Variants in ZFPM2 observed in about 807,000 individuals in gnomAD.
The protein encoded by ZFPM2 is zinc finger protein ZFPM2.
ZFPM2 carries 20 observed loss-of-function variants against 98.6 expected under a neutral mutation model. The ratio of observed to expected loss-of-function variants is 0.20; its 90% CI spans 0.14 to 0.29. The LOEUF is 0.29. Among genes scored for constraint, ZFPM2 ranks in the 10% least tolerant of loss-of-function variants. The probability of loss-of-function intolerance (pLI) is 1.00; values close to 1 mark genes in which losing one functional copy is unlikely to be tolerated. For synonymous variants in ZFPM2, 518 were observed against 502.7 expected (o/e 1.03, Z -0.41); for missense variants, 1,310 against 1,388.6 (o/e 0.94, Z 0.90).
chr8:105,591,890 A>G (rs539313835), intron 4 of ZFPM2, among the ~76,000 whole-genome samples: 2 of 152,294 alleles, frequency 1.3e-5, no homozygotes, highest in African/African-American at 4.8e-5. Flanking sequence ...CAGTGAGGAA[A>G]AGGTGAAAAT....
chr8:105,525,149 G>A (rs1041154394), intron 3 of ZFPM2, among the ~76,000 whole-genome samples: 3 of 152,072 alleles, frequency 2.0e-5, no homozygotes, highest in Admixed American at 6.6e-5. Context: ...AAACTGAAAC[G>A]TACACACAGA....
At chr8:105,710,978 C>G (rs1194508742) in intron 5 of ZFPM2, among the ~76,000 whole-genome samples, 33 of 151,936 alleles carry the variant, frequency 2.2e-4, no homozygotes, top group Admixed American at 2.0e-3. Flanking sequence ...TTTTGTTCAT[C>G]CTCTCAACCA....
At chr8:105,445,906 A>C (rs531454709) in intron 3 of ZFPM2, among the ~76,000 whole-genome samples, 1 of 150,740 alleles carries the variant, frequency 6.6e-6, no homozygotes, top group South Asian at 2.1e-4. Context: ...AGCCTCTTAC[A>C]GTTCTTTTCT....
intron 3 of ZFPM2, among the ~76,000 whole-genome samples, chr8:105,485,212 G>C (rs751316768): frequency 1.3e-5 from 2 of 152,118 alleles, no homozygotes; most frequent in Admixed American, 6.5e-5. Flanking sequence ...GGTAACCAAC[G>C]ACAGAGTCCA....
chr8:105,695,017 C>G (rs1392537921), intron 5 of ZFPM2, among the ~76,000 whole-genome samples: 2 of 151,940 alleles, frequency 1.3e-5, no homozygotes, highest in East Asian at 3.9e-4. Context: ...GTTTTTATCC[C>G]CACTTAACTA....
At chr8:105,393,423 A>G (rs556300210) in intron 1 of ZFPM2, among the ~76,000 whole-genome samples, 7 of 139,312 alleles carry the variant, frequency 5.0e-5, no homozygotes, top group Non-Finnish European at 9.1e-5. Flanking sequence ...ATGTATCACT[A>G]AAATGATTAT....
chr8:105,576,093 T>G (rs1175081692), intron 4 of ZFPM2, among the ~76,000 whole-genome samples: 1 of 152,112 alleles, frequency 6.6e-6, no homozygotes, highest in Non-Finnish European at 1.5e-5. Flanking sequence ...ATAAAATCAT[T>G]CCTACCCATG....
intron 5 of ZFPM2, among the ~76,000 whole-genome samples, chr8:105,673,391 C>T (rs1431657766): frequency 6.6e-6 from 1 of 151,968 alleles, no homozygotes; most frequent in Non-Finnish European, 1.5e-5. Flanking sequence ...TCAGCAACCA[C>T]TCACTGTAAT....
At chr8:105,647,769 G>A (rs1231915059) in intron 5 of ZFPM2, among the ~76,000 whole-genome samples, 2 of 152,040 alleles carry the variant, frequency 1.3e-5, no homozygotes, top group African/African-American at 4.8e-5. Flanking sequence ...TCTTAATCCA[G>A]TCTATCATTG....
At chr8:105,440,590 G>C (rs1403846473) in intron 2 of ZFPM2, among the ~76,000 whole-genome samples, 1 of 152,028 alleles carries the variant, frequency 6.6e-6, no homozygotes, top group East Asian at 1.9e-4. Context: ...GGTGTGGGTG[G>C]GACTAGGGAA....
At chr8:105,732,614 T>A (rs1168038130) in intron 5 of ZFPM2, among the ~76,000 whole-genome samples, 1 of 151,838 alleles carries the variant, frequency 6.6e-6, no homozygotes, top group Admixed American at 6.6e-5. Context: ...TTCCAGAATT[T>A]AGCAATTTCA....
At chr8:105,484,676 A>C (rs1813193989) in intron 3 of ZFPM2, among the ~76,000 whole-genome samples, 1 of 152,058 alleles carries the variant, frequency 6.6e-6, no homozygotes, top group Admixed American at 6.6e-5. Flanking sequence ...ATTGGCTACT[A>C]TTTTTATTGT....
At chr8:105,681,295 G>T (rs1810594626) in intron 5 of ZFPM2, among the ~76,000 whole-genome samples, 1 of 152,026 alleles carries the variant, frequency 6.6e-6, no homozygotes, top group Admixed American at 6.6e-5. Flanking sequence ...ATCCTACCAT[G>T]CTGTCTCTTA....
chr8:105,777,526 T>A (rs1586256024), intron 5 of ZFPM2, among the ~76,000 whole-genome samples: 1 of 152,148 alleles, frequency 6.6e-6, no homozygotes, highest in Non-Finnish European at 1.5e-5. Context: ...AGTTCTAGGA[T>A]GTTCTATAAA....
intron 5 of ZFPM2, among the ~76,000 whole-genome samples, chr8:105,750,331 CTT>C (rs1812447838): frequency 6.6e-6 from 1 of 151,914 alleles, no homozygotes; most frequent in East Asian, 1.9e-4. Context: ...AGGGTGTGGT[CTT>C]AGTTAATTGT....
At chr8:105,684,410 G>A (rs1810685617) in intron 5 of ZFPM2, among the ~76,000 whole-genome samples, 1 of 152,004 alleles carries the variant, frequency 6.6e-6, no homozygotes, top group African/African-American at 2.4e-5. Flanking sequence ...CTTCTATTGG[G>A]TGGGATATTT....
intron 3 of ZFPM2, among the ~76,000 whole-genome samples, chr8:105,453,685 A>G (rs1183523404): frequency 6.6e-6 from 1 of 151,682 alleles, no homozygotes. Flanking sequence ...CCTGTCATCC[A>G]GGCTGAAGTG....
chr8:105,481,518 G>T (rs1279210910), intron 3 of ZFPM2, among the ~76,000 whole-genome samples: 1 of 151,946 alleles, frequency 6.6e-6, no homozygotes, highest in Non-Finnish European at 1.5e-5. Context: ...ATTGGATTAG[G>T]CTCCTAAATT....
intron 5 of ZFPM2, chr8:105,787,392 C>A (rs1009762640): frequency 6.6e-6 from 1 of 152,144 alleles, no homozygotes; most frequent in Admixed American, 6.5e-5. Context: ...GGTCTGTAGT[C>A]TTAACTTTAT....
Sources: gnomAD v4.1 joint callset for allele counts (sites outside exome capture counted in the v4.1 genomes callset) on GRCh38, gnomAD v4.1.1 for gene constraint, MANE v1.5 for transcripts, NCBI Gene and HGNC (gene_info 2026-07-23, HGNC 2026-07-21) for gene names.